Variants in ROBO2 observed in about 807,000 individuals in gnomAD.
The protein encoded by ROBO2 is roundabout homolog 2.
A neutral mutation model predicts 160.8 loss-of-function variants in ROBO2; 53 were observed. The ratio of observed to expected loss-of-function variants is 0.33; its 90% confidence interval spans 0.26 to 0.41. ROBO2 has a LOEUF of 0.41. Among genes scored for constraint, ROBO2 ranks in the 10% least tolerant of loss-of-function variants. ROBO2 has a pLI of 1.00. For missense variants in ROBO2, 1,577 were observed against 1,722.4 expected (o/e 0.92, Z 1.49); for synonymous variants, 664 against 611.7 (o/e 1.09, Z -1.26).
chr3:77,412,110 G>A lies in ROBO2; in HGVS notation c.389-65304G>A, dbSNP rs13092823. ...ATTAACTTGCATGGAATTCTAACTCGTTAAATACCAGGCGGTTCTAAAAGT... is the reference window on the plus strand; with the variant it reads ...ATTAACTTGCATGGAATTCTAACTCATTAAATACCAGGCGGTTCTAAAAGT... On this transcript the variant is annotated intron_variant, in intron 2 of 25. Transcript: ENST00000461745. 3.9e-3 allele frequency among the ~76,000 whole-genome samples: 584 copies of A among 151,550 alleles called. 3 individuals are homozygous for A. Among genetic ancestry groups the A allele is most frequent in the Middle Eastern group, 0.021 (6 of 292 alleles).
chr3:76,116,781 C>A (rs2070488604), intron 2 of ROBO2, among the ~76,000 whole-genome samples: 1 of 152,090 alleles, frequency 6.6e-6, no homozygotes, highest in Non-Finnish European at 1.5e-5. Context: ...AAGTTTCCAC[C>A]AAGCTTTGTG....
At chr3:77,639,651 C>T (rs866476552) in intron 24 of ROBO2, among the ~76,000 whole-genome samples, 6 of 152,058 alleles carry the variant, frequency 3.9e-5, no homozygotes, top group Admixed American at 2.0e-4. Flanking sequence ...AGATAGAGTA[C>T]GAAGTCAGGC....
intron 2 of ROBO2, among the ~76,000 whole-genome samples, chr3:76,559,441 A>C (rs2084017376): frequency 6.6e-6 from 1 of 152,100 alleles, no homozygotes; most frequent in African/African-American, 2.4e-5. Context: ...ATTTCAACCA[A>C]TGTTTGAAAA....
chr3:75,938,405 A>G (rs1341844506), intron 2 of ROBO2, among the ~76,000 whole-genome samples: 1 of 151,952 alleles, frequency 6.6e-6, no homozygotes, highest in Non-Finnish European at 1.5e-5. Flanking sequence ...TACAAATTGC[A>G]TTTCCGTATT....
chr3:76,170,753 A>AATAATCATACATAC (rs1478523496), intron 2 of ROBO2, among the ~76,000 whole-genome samples: 1 of 152,220 alleles, frequency 6.6e-6, no homozygotes, highest in Non-Finnish European at 1.5e-5. Flanking sequence ...TAGATACCAG[A>AATAATCATACATAC]ATAATCATAC....
chr3:76,256,321 C>G (rs1447697281), intron 2 of ROBO2, among the ~76,000 whole-genome samples: 1 of 91,112 alleles, frequency 1.1e-5, no homozygotes, highest in Admixed American at 1.2e-4. Flanking sequence ...CTCTCTCTCT[C>G]TCTCTCTCTC....
chr3:76,719,883 CAAAAAA>C (rs58861850), intron 2 of ROBO2, among the ~76,000 whole-genome samples: 1 of 130,214 alleles, frequency 7.7e-6, no homozygotes, highest in Non-Finnish European at 1.6e-5. Context: ...GACTGTGTCT[CAAAAAA>C]AAAAAAAAAA....
chr3:76,815,588 C>CT (rs935193789), intron 2 of ROBO2, among the ~76,000 whole-genome samples: 9 of 151,802 alleles, frequency 5.9e-5, no homozygotes, highest in African/African-American at 9.7e-5. Context: ...TTCTTTTTAT[C>CT]TTTTTTTTCT....
intron 2 of ROBO2, among the ~76,000 whole-genome samples, chr3:76,829,958 G>A (rs1351616631): frequency 2.6e-5 from 4 of 152,288 alleles, no homozygotes; most frequent in African/African-American, 9.6e-5. Context: ...GTAAGCCACC[G>A]TACCCAGCCT....
At chr3:76,964,886 A>G (rs1226331538) in intron 2 of ROBO2, among the ~76,000 whole-genome samples, 3 of 152,238 alleles carry the variant, frequency 2.0e-5, no homozygotes, top group South Asian at 2.1e-4. Context: ...AATAAACTAG[A>G]AATCAACTAG....
intron 2 of ROBO2, among the ~76,000 whole-genome samples, chr3:76,677,958 C>CTTTTTTTTTTT (rs1169307424): frequency 0.043 from 1,271 of 29,404 alleles, 406 homozygotes; most frequent in East Asian, 0.082. Context: ...AGAAAATATG[C>CTTTTTTTTTTT]TTTTTTTTTT....
chr3:76,189,424 A>G (rs1054953670), intron 2 of ROBO2, among the ~76,000 whole-genome samples: 6 of 152,136 alleles, frequency 3.9e-5, no homozygotes, highest in African/African-American at 1.4e-4. Flanking sequence ...AGATAATGAT[A>G]GAAATACAGA....
At chr3:76,078,158 A>G (rs1312888639) in intron 2 of ROBO2, among the ~76,000 whole-genome samples, 1 of 152,054 alleles carries the variant, frequency 6.6e-6, no homozygotes, top group Non-Finnish European at 1.5e-5. Context: ...GATCATAACA[A>G]CCTGTGTTTT....
At chr3:77,629,300 G>A (rs1421939751) in intron 23 of ROBO2, 2 of 152,122 alleles carry the variant, frequency 1.3e-5, no homozygotes, top group East Asian at 1.9e-4. Context: ...CCGTGGTGTA[G>A]GATTTACTGG....
At chr3:76,758,122 A>C (rs2061089736) in intron 2 of ROBO2, among the ~76,000 whole-genome samples, 1 of 151,862 alleles carries the variant, frequency 6.6e-6, no homozygotes, top group Non-Finnish European at 1.5e-5. Flanking sequence ...TCGATACAAA[A>C]GCAAAAAATA....
At chr3:76,390,622 A>C (rs2108638705) in intron 2 of ROBO2, among the ~76,000 whole-genome samples, 1 of 152,276 alleles carries the variant, frequency 6.6e-6, no homozygotes, top group Admixed American at 6.5e-5. Flanking sequence ...TTAAATTCAT[A>C]ATCCCAGCCT....
At position 76,776,536 on chromosome 3, in the gene ROBO2, C is replaced by T. The variant is rs545672015; in HGVS notation, c.110-321478C>T. 2.0e-5 allele frequency among the ~76,000 whole-genome samples: 3 copies of T among 150,908 alleles called. No individual in the cohort carries two copies. In the East Asian group the frequency reaches 5.9e-4, roughly 30 times the overall value. On this transcript the variant is annotated intron_variant, in intron 2 of 26. Transcript: ENST00000487694. ...TTACTAGAAAGAGTTCTGGGTACTT[C>T]ACACCCTTTAAGGGCAGATGCAGAT... is the stretch of plus-strand genomic sequence containing the variant.
At chr3:76,447,679 T>A (rs561107003) in intron 2 of ROBO2, among the ~76,000 whole-genome samples, 17 of 151,450 alleles carry the variant, frequency 1.1e-4, no homozygotes, top group African/African-American at 2.7e-4. Flanking sequence ...TAAGAAAATG[T>A]GGCACATATA....
chr3:76,941,013 T>C (rs1378737573), intron 2 of ROBO2, among the ~76,000 whole-genome samples: 1 of 152,134 alleles, frequency 6.6e-6, no homozygotes, highest in Non-Finnish European at 1.5e-5. Flanking sequence ...TTTTCCACCT[T>C]TAACCTTTAG....
Sources: allele counts gnomAD v4.1 joint callset (sites outside exome capture counted in the v4.1 genomes callset), GRCh38; gene constraint gnomAD v4.1.1; transcripts MANE v1.5; gene names NCBI Gene and HGNC (gene_info 2026-07-23, HGNC 2026-07-21).